Variants in M1AP observed in about 807,000 individuals in gnomAD.
The protein encoded by M1AP is meiosis 1 arrest protein.
In M1AP, 39 loss-of-function variants were observed where a neutral mutation model predicts 51.2. The observed-to-expected ratio is 0.76, with a 90% confidence interval of 0.59 to 1.00. The LOEUF (loss-of-function observed/expected upper bound fraction) is 1.00, where lower values mean the gene tolerates loss of function less well. Among genes scored for constraint, M1AP ranks in the 50% least tolerant of loss-of-function variants. The pLI is 0.00. For missense variants in M1AP, 545 were observed against 641.2 expected, an observed-to-expected ratio of 0.85 and a Z score of 1.62; for synonymous variants, 251 against 249.2, an observed-to-expected ratio of 1.01 and a Z score of -0.07.
chr2:74,622,319 A>C (rs971902215), intron 2 of M1AP, among the ~76,000 whole-genome samples: 2 of 151,874 alleles, frequency 1.3e-5, no homozygotes, highest in Non-Finnish European at 2.9e-5. Context: ...GGCTCACTGC[A>C]ACCCCGCCTC....
chr2:74,634,599 G>T (rs1241825131), intron 2 of M1AP, among the ~76,000 whole-genome samples: 1 of 152,110 alleles, frequency 6.6e-6, no homozygotes, highest in African/African-American at 2.4e-5. Flanking sequence ...GTACTATGCT[G>T]AGGAGTACTA....
intron 6 of M1AP, among the ~76,000 whole-genome samples, chr2:74,575,858 TTTTG>T (rs1679033612): frequency 6.6e-6 from 1 of 152,306 alleles, no homozygotes; most frequent in South Asian, 2.1e-4. Context: ...TTTTGTTTTG[TTTTG>T]TTTTTCTTTC....
intron 1 of M1AP, among the ~76,000 whole-genome samples, chr2:74,644,522 C>T (rs897534975): frequency 7.4e-5 from 11 of 147,734 alleles, no homozygotes; most frequent in African/African-American, 1.0e-4. Flanking sequence ...TGGGTGACAG[C>T]GCGAGACCCC....
At chr2:74,609,449 C>T (rs546188034) in intron 3 of M1AP, among the ~76,000 whole-genome samples, 54 of 152,214 alleles carry the variant, frequency 3.5e-4, no homozygotes, top group African/African-American at 1.1e-3. Flanking sequence ...TTTAAAAATC[C>T]ATTTATCCAT....
At chr2:74,640,513 C>T (rs568553103) in intron 1 of M1AP, among the ~76,000 whole-genome samples, 186 bp from the exon 2 acceptor site, 9 of 146,862 alleles carry the variant, frequency 6.1e-5, no homozygotes, top group Non-Finnish European at 8.9e-5. Flanking sequence ...CAGGCTGGAG[C>T]GCAGTGGTGC....
chr2:74,621,922 A>G (rs1314687415), intron 2 of M1AP, among the ~76,000 whole-genome samples: 2 of 151,150 alleles, frequency 1.3e-5, no homozygotes, highest in Admixed American at 6.6e-5. Flanking sequence ...AGCCTGGCCA[A>G]CATGGTGAAA....
chr2:74,605,517 T>G (rs1484902466), intron 4 of M1AP, among the ~76,000 whole-genome samples: 2 of 152,240 alleles, frequency 1.3e-5, no homozygotes, highest in East Asian at 3.8e-4. Flanking sequence ...CATTTTTACA[T>G]GTACAGTAGT....
intron 2 of M1AP, among the ~76,000 whole-genome samples, chr2:74,623,375 G>A (rs924616284): frequency 1.3e-5 from 2 of 152,030 alleles, no homozygotes; most frequent in East Asian, 3.9e-4. Context: ...ATGGTGACCC[G>A]TGCCTGTAGT....
intron 2 of M1AP, among the ~76,000 whole-genome samples, chr2:74,632,888 G>C (rs1191695004): frequency 6.6e-6 from 1 of 152,058 alleles, no homozygotes; most frequent in Non-Finnish European, 1.5e-5. Context: ...AATGTACTGA[G>C]GAGTGCCAGA....
At chr2:74,640,389 T>C in intron 1 of M1AP, 62 bp from the exon 2 acceptor site, 1 of 1,364,828 alleles carries the variant, frequency 7.3e-7, no homozygotes, top group Non-Finnish European at 9.9e-7. Context: ...TCTGTTGAAA[T>C]ATAAAATACA....
At chr2:74,566,036 G>A (rs1188155222) in intron 7 of M1AP, among the ~76,000 whole-genome samples, 2 of 152,166 alleles carry the variant, frequency 1.3e-5, no homozygotes, top group Non-Finnish European at 2.9e-5. Flanking sequence ...AAACAAGGCA[G>A]AGATGTCTGC....
rs1407506489 is a variant in M1AP, at chr2:74,560,057, G to C, written c.1422+94C>G. 3.0e-6 allele frequency: 4 copies of C among 1,347,418 alleles called. No individual in the cohort carries two copies. The African/African-American group carries it at 5.8e-5, about 19-fold the overall frequency. 83.5% of individuals were successfully genotyped at this position (1,347,418 alleles called of 1,614,324 possible). On this transcript the variant is annotated intron_variant, in intron 9 of 10. Transcript: ENST00000421985. The stretch of plus-strand genomic sequence containing the variant: ...GAAGGCTACTCCCTTGGATGGGGGC[G>C]GTGTTGGGATGGGGGAGGAGGGTTT...
At position 74,640,185 on chromosome 2, in the gene M1AP, G is replaced by A; in HGVS notation, c.91C>T (p.Leu31=). ...GTGCAGATGTCAGCCCAGGACGGTA[G>A]AGCAATGTGCACAATGAGAAGCCGT... is the stretch of plus-strand genomic sequence containing the variant. ...PPRLLIVHIA[L]PSWADICTNL... Residue 31 remains leucine, a synonymous_variant, in exon 2 of 11, where the codon CTA becomes TTA. Transcript: ENST00000421985. 2 of 1,614,136 alleles carry A rather than the reference G, an allele frequency of 1.2e-6. No homozygotes were observed. The highest frequency in any genetic ancestry group is 1.7e-6 in the Non-Finnish European group (2 of 1,180,016).
chr2:74,615,369 C>T, intron 2 of M1AP: 1 of 524,388 alleles, frequency 1.9e-6, no homozygotes. Flanking sequence ...GTTTTGATTA[C>T]TTAGAGTTAC....
Position 74,615,013 on chromosome 2 carries a change from T to A in M1AP, c.377A>T (p.Tyr126Phe). The stretch of plus-strand genomic sequence containing the variant: ...TGCCCTTGTGGTCACATGTCTGCTG[T>A]ATTGTTTGAATTGCTGGAGCCCATC... ...VEDGLQQFKQ[Y>F]SRHVTTRAAL... Residue 126 changes from tyrosine to phenylalanine, a missense_variant, in exon 3 of 11, where the codon TAC becomes TTC. Transcript: ENST00000421985. 2.5e-6 allele frequency: 4 copies of A among 1,614,214 alleles called. No individual in the cohort carries two copies. Among genetic ancestry groups the A allele is most frequent in the Non-Finnish European group, 3.4e-6 (4 of 1,180,024 alleles).
chr2:74,584,851 TA>T (rs1445210438), intron 4 of M1AP, among the ~76,000 whole-genome samples: 1 of 149,978 alleles, frequency 6.7e-6, no homozygotes, highest in African/African-American at 2.4e-5. Context: ...TTTTTTATTT[TA>T]TTTTTTTTGA....
intron 3 of M1AP, among the ~76,000 whole-genome samples, chr2:74,613,702 AC>A (rs1681500714): frequency 1.3e-5 from 2 of 152,238 alleles, no homozygotes; most frequent in African/African-American, 4.8e-5. Flanking sequence ...GTTTCATTAT[AC>A]CTGTTAATAA....
chr2:74,597,045 A>G (rs547002958), intron 4 of M1AP, among the ~76,000 whole-genome samples: 48 of 152,356 alleles, frequency 3.2e-4, no homozygotes, highest in African/African-American at 1.1e-3. Context: ...ATTTGTGGGC[A>G]TATACATCGG....
At chr2:74,586,644 T>C (rs1463970323) in intron 4 of M1AP, among the ~76,000 whole-genome samples, 1 of 152,236 alleles carries the variant, frequency 6.6e-6, no homozygotes, top group East Asian at 1.9e-4. Context: ...TAAAGGATTT[T>C]CTTCTCTTTT....
Sources: gnomAD v4.1 joint callset for allele counts (sites outside exome capture counted in the v4.1 genomes callset) on GRCh38, gnomAD v4.1.1 for gene constraint, MANE v1.5 for transcripts, NCBI Gene and HGNC (gene_info 2026-07-23, HGNC 2026-07-21) for gene names.